The following ERBB4 variants were observed in gnomAD, a reference collection of about 807,000 sequenced individuals.
ERBB4 encodes receptor tyrosine-protein kinase erbB-4.
A neutral mutation model predicts 158.0 loss-of-function variants in ERBB4; 42 were observed. The ratio of observed to expected loss-of-function variants is 0.27; its 90% CI spans 0.21 to 0.34. ERBB4 has a LOEUF of 0.34. Among genes scored for constraint, ERBB4 ranks in the 10% least tolerant of loss-of-function variants. The pLI is 1.00. For synonymous variants in ERBB4, 583 were observed against 558.7 expected, an observed-to-expected ratio of 1.04 and a Z score of -0.61; for missense variants, 1,333 against 1,624.1, an observed-to-expected ratio of 0.82 and a Z score of 3.08.
chr2:212,181,728 G>T (rs951510675), intron 1 of ERBB4, among the ~76,000 whole-genome samples: 2 of 151,608 alleles, frequency 1.3e-5, no homozygotes, highest in African/African-American at 2.4e-5. Flanking sequence ...AATAAACTAG[G>T]AGAGGGTTTT....
intron 20 of ERBB4, among the ~76,000 whole-genome samples, chr2:211,555,085 G>C (rs2067201345): frequency 6.6e-6 from 1 of 152,194 alleles, no homozygotes; most frequent in Non-Finnish European, 1.5e-5. Context: ...ATAATAACAT[G>C]GACTGCTCTG....
chr2:211,603,067 C>A (rs190191729), intron 19 of ERBB4, among the ~76,000 whole-genome samples: 2 of 152,012 alleles, frequency 1.3e-5, no homozygotes, highest in Non-Finnish European at 2.9e-5. Context: ...TCCATCTCTA[C>A]TAAAAATACA....
At chr2:212,049,086 C>T (rs890075101) in intron 2 of ERBB4, among the ~76,000 whole-genome samples, 1 of 152,246 alleles carries the variant, frequency 6.6e-6, no homozygotes, top group African/African-American at 2.4e-5. Flanking sequence ...TAAACAGATG[C>T]GTGTTTTACA....
At chr2:211,859,611 T>A (rs934801658) in intron 3 of ERBB4, among the ~76,000 whole-genome samples, 4 of 152,154 alleles carry the variant, frequency 2.6e-5, no homozygotes, top group Non-Finnish European at 5.9e-5. Context: ...CTGTAAGAAA[T>A]AATACAAAAT....
At chr2:211,986,970 G>A (rs1239636941) in intron 2 of ERBB4, among the ~76,000 whole-genome samples, 1 of 152,064 alleles carries the variant, frequency 6.6e-6, no homozygotes, top group Non-Finnish European at 1.5e-5. Context: ...TATAAAGTAT[G>A]AAAACACAAA....
Position 212,083,482 on chromosome 2 carries a change from C to T in ERBB4, c.234+41270G>A, listed in dbSNP as rs115025203. Among the ~76,000 whole-genome samples the T allele has an allele frequency of 6.8e-3, 1,033 of 151,832 alleles. 18 individuals carry two copies. Among genetic ancestry groups the T allele is most frequent in the South Asian group, 0.062 (299 of 4,804 alleles). On this transcript the variant is annotated intron_variant, in intron 2 of 27. Coordinates refer to ENST00000342788, the MANE Select transcript of ERBB4 (RefSeq NM_005235.3). ...GAATAAATAACATGCAAATGCAATTCGAAAATGACACTAAATTGGAAGGCA... is the reference window on the plus strand; with the variant it reads ...GAATAAATAACATGCAAATGCAATTTGAAAATGACACTAAATTGGAAGGCA...
chr2:212,289,086 C>A (rs16848180), intron 1 of ERBB4, among the ~76,000 whole-genome samples: 4 of 152,004 alleles, frequency 2.6e-5, no homozygotes, highest in African/African-American at 9.7e-5. Context: ...GAACTACCTA[C>A]GCCCCAAGTT....
chr2:212,297,317 C>G (rs562869932), intron 1 of ERBB4, among the ~76,000 whole-genome samples: 82 of 151,972 alleles, frequency 5.4e-4, no homozygotes, highest in African/African-American at 1.9e-3. Flanking sequence ...TTCATTGGAA[C>G]AAAGAACGAT....
intron 2 of ERBB4, among the ~76,000 whole-genome samples, chr2:212,086,899 A>C: frequency 6.6e-6 from 1 of 151,976 alleles, no homozygotes; most frequent in East Asian, 1.9e-4. Flanking sequence ...CCAAGCACCG[A>C]ACAAACTGTT....
At chr2:211,994,779 G>C (rs921751389) in intron 2 of ERBB4, among the ~76,000 whole-genome samples, 5 of 152,148 alleles carry the variant, frequency 3.3e-5, no homozygotes, top group Non-Finnish European at 5.9e-5. Context: ...AAGGGAAAAA[G>C]AATTTACCTG....
chr2:211,738,426 T>G (rs1297414834), intron 5 of ERBB4, among the ~76,000 whole-genome samples: 3 of 145,258 alleles, frequency 2.1e-5, no homozygotes. Context: ...TGGAGTGAAG[T>G]GGCATGATCT....
At position 211,494,219 on chromosome 2, in the gene ERBB4, T is replaced by A. The variant is rs1574603790; in HGVS notation, c.2488-63119A>T. 2.0e-5 allele frequency among the ~76,000 whole-genome samples: 3 copies of A among 152,170 alleles called. No individual in the cohort carries two copies. In the East Asian group the frequency reaches 5.8e-4, roughly 29 times the overall value. On this transcript the variant is annotated intron_variant, in intron 20 of 27. Coordinates refer to ENST00000342788, the MANE Select transcript of ERBB4 (RefSeq NM_005235.3). ...GGTTTCACCATATTGCCCAGGATGG[T>A]CTCAAACTCCTGACCTCAGGTGATC...
chr2:212,185,740 G>C (rs538783912), intron 1 of ERBB4, among the ~76,000 whole-genome samples: 4 of 152,190 alleles, frequency 2.6e-5, no homozygotes, highest in Admixed American at 2.6e-4. Context: ...GGACATAATA[G>C]AATCTAAAAG....
intron 1 of ERBB4, among the ~76,000 whole-genome samples, chr2:212,232,121 A>G (rs1207009343): frequency 6.6e-6 from 1 of 152,162 alleles, no homozygotes; most frequent in Non-Finnish European, 1.5e-5. Flanking sequence ...TTTGATAATA[A>G]TAGTACTTTT....
At chr2:211,818,229 G>A (rs1191124166) in intron 3 of ERBB4, among the ~76,000 whole-genome samples, 2 of 151,882 alleles carry the variant, frequency 1.3e-5, no homozygotes, top group Non-Finnish European at 2.9e-5. Flanking sequence ...TAAGTATTAG[G>A]AAAAAAATAT....
At chr2:212,159,237 A>G (rs949182668) in intron 1 of ERBB4, among the ~76,000 whole-genome samples, 1 of 150,456 alleles carries the variant, frequency 6.6e-6, no homozygotes, top group Non-Finnish European at 1.5e-5. Context: ...TGCTGTTTTA[A>G]GGTAGTAAAC....
chr2:212,045,913 A>G (rs964994281), intron 2 of ERBB4, among the ~76,000 whole-genome samples: 2 of 152,196 alleles, frequency 1.3e-5, no homozygotes, highest in African/African-American at 4.8e-5. Flanking sequence ...CTATATCTCT[A>G]AGCACAAGGA....
At chr2:211,811,683 T>C (rs1363974366) in intron 3 of ERBB4, among the ~76,000 whole-genome samples, 1 of 152,180 alleles carries the variant, frequency 6.6e-6, no homozygotes, top group Non-Finnish European at 1.5e-5. Flanking sequence ...TTTCACATAG[T>C]CCCATATTTC....
chr2:211,619,568 A>C (rs2069519519), intron 18 of ERBB4, among the ~76,000 whole-genome samples: 2 of 152,122 alleles, frequency 1.3e-5, no homozygotes, highest in African/African-American at 4.8e-5. Context: ...GACAGCATGG[A>C]AATAGGATAG....
Sources: gnomAD v4.1 joint callset for allele counts (sites outside exome capture counted in the v4.1 genomes callset) on GRCh38, gnomAD v4.1.1 for gene constraint, MANE v1.5 for transcripts, NCBI Gene and HGNC (gene_info 2026-07-23, HGNC 2026-07-21) for gene names.